ABCG2: variants seen among roughly 807,000 people sequenced by gnomAD.
ABCG2 encodes the protein broad substrate specificity ATP-binding cassette transporter ABCG2.
ABCG2 carries 80 observed loss-of-function variants against 73.5 expected under a neutral mutation model. The observed-to-expected ratio is 1.09, with a 90% CI of 0.91 to 1.31. ABCG2 has a LOEUF of 1.31. Among genes scored for constraint, ABCG2 ranks in the 50% most tolerant of loss-of-function variants. The probability of loss-of-function intolerance (pLI) is 0.00; values close to 1 mark genes in which losing one functional copy is unlikely to be tolerated. For synonymous variants in ABCG2, 269 were observed against 282.4 expected, an observed-to-expected ratio of 0.95 and a Z score of 0.48; for missense variants, 796 against 786.2, an observed-to-expected ratio of 1.01 and a Z score of -0.15.
At chr4:88,209,801 T>C in intron 1 of ABCG2, among the ~76,000 whole-genome samples, 1 of 152,290 alleles carries the variant, frequency 6.6e-6, no homozygotes, top group African/African-American at 2.4e-5. Context: ...TTATATAAAA[T>C]AATAAGTAAT....
In ABCG2 at chr4:88,139,915, G is replaced by C; in HGVS notation, c.81C>G (p.Asp27Glu). 8 of 1,614,120 alleles carry C rather than the reference G, an allele frequency of 5.0e-6. No individual in the cohort carries two copies. In the South Asian group the frequency reaches 8.8e-5, roughly 18 times the overall value. ...CAGCTCCTTCAGTAAATGCCTTCAG[G>C]TCATTGGAAGCTGTCGCGGGGAAGC... ...TNGFPATASN[D>E]LKAFTEGAVL... is the part of the protein sequence containing the mutation. Residue 27 changes from aspartate (D) to glutamate (E), a missense_variant, in exon 2 of 16, where the codon GAC (aspartate) becomes GAG (glutamate). Physicochemically the swap from Asp to Glu is conservative, Grantham distance 45. Coordinates refer to ENST00000237612, the MANE Select transcript of ABCG2 (RefSeq NM_004827.3).
At chr4:88,178,538 C>A (rs1483151674) in intron 1 of ABCG2, among the ~76,000 whole-genome samples, 1 of 152,108 alleles carries the variant, frequency 6.6e-6, no homozygotes, top group Non-Finnish European at 1.5e-5. Flanking sequence ...AAAAGGAGTA[C>A]TCTCAAGTGT....
At chr4:88,108,184 T>A (rs1163631696) in intron 9 of ABCG2, among the ~76,000 whole-genome samples, 1 of 152,152 alleles carries the variant, frequency 6.6e-6, no homozygotes. Context: ...ATATAATTTA[T>A]CTGAGAAAAT....
At chr4:88,213,709 A>G (rs1729689656) in intron 1 of ABCG2, among the ~76,000 whole-genome samples, 1 of 151,816 alleles carries the variant, frequency 6.6e-6, no homozygotes, top group African/African-American at 2.4e-5. Flanking sequence ...TTTGAGACAG[A>G]GTCTTGCTCT....
At chr4:88,227,311 G>A in intron 1 of ABCG2, among the ~76,000 whole-genome samples, 1 of 152,008 alleles carries the variant, frequency 6.6e-6, no homozygotes. Flanking sequence ...CAGGAGAACT[G>A]CTTGAACCCA....
At position 88,202,354 on chromosome 4, in the gene ABCG2, T is replaced by TTATATATA. The variant is rs57530549; in HGVS notation, c.-20+28632_-20+28639dup. On this transcript the variant is annotated intron_variant, in intron 1 of 15. Coordinates refer to the ABCG2 transcript ENST00000515655. Reference sequence around the variant, plus strand: ...AGGAGGACCCCATCTCTACAATTATTTATATATATATATATATATATATGT... The same window carrying TTATATATA: ...AGGAGGACCCCATCTCTACAATTATTTATATATATATATATATATATATATATATATGT... Among the ~76,000 whole-genome samples the TTATATATA allele has an allele frequency of 3.2e-5, 2 of 62,086 alleles. 1 individual carries two copies. The highest frequency in any genetic ancestry group is 6.4e-5 in the Non-Finnish European group (2 of 31,014). The allele number at this position is 62,086 out of a possible 152,430, so 40.7% of individuals were successfully genotyped here. A position where few individuals can be genotyped will look rare whatever the true frequency, so the allele number is the denominator to read the frequency against.
chr4:88,125,423 G>A (rs112791442), intron 5 of ABCG2, among the ~76,000 whole-genome samples: 19,639 of 151,448 alleles, frequency 0.13, 1,506 homozygotes, highest in Middle Eastern at 0.24. Flanking sequence ...CCTGGCTAAC[G>A]TGGTGAAATG....
intron 1 of ABCG2, among the ~76,000 whole-genome samples, chr4:88,164,690 CA>C (rs1727445637): frequency 6.6e-6 from 1 of 152,174 alleles, no homozygotes; most frequent in South Asian, 2.1e-4. Flanking sequence ...AGCATGAGAA[CA>C]GACTAATACA....
intron 1 of ABCG2, among the ~76,000 whole-genome samples, chr4:88,177,322 C>T (rs1287974286): frequency 6.6e-6 from 1 of 151,066 alleles, no homozygotes; most frequent in Non-Finnish European, 1.5e-5. Flanking sequence ...TACAGTGAGC[C>T]GAGATTGGCC....
chr4:88,153,176 T>C (rs577427184), intron 1 of ABCG2, among the ~76,000 whole-genome samples: 151 of 151,728 alleles, frequency 1.0e-3, no homozygotes, highest in Non-Finnish European at 1.8e-3. Flanking sequence ...CACCAGGAGA[T>C]ATCAGCTGTG....
At chr4:88,159,572 T>C (rs573038153), upstream of ABCG2, among the ~76,000 whole-genome samples, 38 of 136,978 alleles carry the variant, frequency 2.8e-4, no homozygotes, top group Non-Finnish European at 5.2e-4. Flanking sequence ...TTTGTGAGTG[T>C]AGCCATCCCA....
At chr4:88,158,354 T>A (rs1234312161) in intron 1 of ABCG2, 32 bp downstream of exon 1, 8 of 364,332 alleles carry the variant, frequency 2.2e-5, no homozygotes, top group Non-Finnish European at 3.8e-5. Flanking sequence ...AGACACACAC[T>A]CTCAGCGAAA....
intron 1 of ABCG2, among the ~76,000 whole-genome samples, chr4:88,147,016 GGAAA>G (rs58050208): frequency 0.12 from 15,484 of 125,110 alleles, 1,140 homozygotes; most frequent in East Asian, 0.23. Flanking sequence ...AGAAAGAAAA[GGAAA>G]GAAAGAAAGA....
intron 1 of ABCG2, among the ~76,000 whole-genome samples, chr4:88,180,435 T>C (rs1728186448): frequency 1.3e-5 from 2 of 152,124 alleles, no homozygotes; most frequent in African/African-American, 4.8e-5. Flanking sequence ...AGTACTGCAA[T>C]CTGAAAGAAA....
chr4:88,109,920 A>C (rs1468685109), intron 9 of ABCG2, among the ~76,000 whole-genome samples: 2 of 152,106 alleles, frequency 1.3e-5, no homozygotes, highest in Non-Finnish European at 2.9e-5. Flanking sequence ...ATCTTTGTTC[A>C]CCTATGAGCT....
At chr4:88,154,588 A>C (rs1290068597) in intron 1 of ABCG2, among the ~76,000 whole-genome samples, 1 of 152,128 alleles carries the variant, frequency 6.6e-6, no homozygotes, top group Non-Finnish European at 1.5e-5. Context: ...TCAGTAAACC[A>C]AGTGTTCAGG....
At position 88,155,300 on chromosome 4, in the gene ABCG2, G is replaced by A. The variant is rs796397692; in HGVS notation, c.-20+3086C>T. Among the ~76,000 whole-genome samples the A allele has an allele frequency of 6.6e-5, 10 of 152,234 alleles. No homozygotes were observed. In the South Asian group the frequency reaches 1.0e-3, roughly 16 times the overall value. On this transcript the variant is annotated intron_variant, in intron 1 of 15. Coordinates refer to ENST00000237612, the MANE Select transcript of ABCG2 (RefSeq NM_004827.3). ...TTTGAGAGATCAGTCAGACACGATT[G>A]GCAGGGAGAGCACGTGTGTTTTTAT...
At chr4:88,149,186 C>G (rs769651303) in intron 1 of ABCG2, among the ~76,000 whole-genome samples, 2 of 151,816 alleles carry the variant, frequency 1.3e-5, no homozygotes, top group Admixed American at 1.3e-4. Flanking sequence ...ACTATACTCC[C>G]GTCTGGGTGA....
intron 1 of ABCG2, among the ~76,000 whole-genome samples, chr4:88,202,658 C>T (rs1729231041): frequency 6.6e-6 from 1 of 151,780 alleles, no homozygotes; most frequent in Non-Finnish European, 1.5e-5. Flanking sequence ...TGGCTCCACC[C>T]CGTTCTCCCA....
Sources: gnomAD v4.1 joint callset for allele counts (sites outside exome capture counted in the v4.1 genomes callset) on GRCh38, gnomAD v4.1.1 for gene constraint, MANE v1.5 for transcripts, NCBI Gene and HGNC (gene_info 2026-07-23, HGNC 2026-07-21) for gene names.